The following MEGF11 variants were observed in gnomAD, a reference collection of about 807,000 sequenced individuals.
MEGF11 encodes multiple EGF like domains 11, also known as multiple epidermal growth factor-like domains protein 11.
MEGF11 carries 126 observed loss-of-function variants against 146.6 expected under a neutral mutation model. The ratio of observed to expected loss-of-function variants is 0.86; its 90% CI spans 0.74 to 1.00. The LOEUF is 1.00. Ranked by LOEUF, MEGF11 falls within the 50% of genes least tolerant of loss-of-function variation. The pLI, the probability that MEGF11 is intolerant of heterozygous loss-of-function variation, is 0.00. For missense variants in MEGF11, 1,509 were observed against 1,521.2 expected, an observed-to-expected ratio of 0.99 and a Z score of 0.13; for synonymous variants, 532 against 583.4, an observed-to-expected ratio of 0.91 and a Z score of 1.27.
At chr15:66,155,244 A>C (rs1429664535) in intron 1 of MEGF11, among the ~76,000 whole-genome samples, 1 of 143,176 alleles carries the variant, frequency 7.0e-6, no homozygotes, top group East Asian at 1.9e-4. Flanking sequence ...TGGGAGACAC[A>C]CATGGTGATG....
intron 1 of MEGF11, among the ~76,000 whole-genome samples, chr15:66,231,697 G>T (rs957189991): frequency 6.6e-6 from 1 of 152,158 alleles, no homozygotes; most frequent in Non-Finnish European, 1.5e-5. Flanking sequence ...AGCTTCACAG[G>T]CCCTTTGGGC....
At position 66,242,418 on chromosome 15, in the gene MEGF11, AG is replaced by A. The variant is rs200565013; in HGVS notation, c.-9+11186del. Among the ~76,000 whole-genome samples, 713 of 143,404 alleles carry A rather than the reference AG, an allele frequency of 5.0e-3. 11 individuals carry two copies. Among genetic ancestry groups the A allele is most frequent in the African/African-American group, 0.013 (506 of 38,704 alleles). The allele number at this position is 143,404 out of a possible 152,430, so 94.1% of individuals were successfully genotyped here. A position where few individuals can be genotyped will look rare whatever the true frequency, so the allele number is the denominator to read the frequency against. ...AGTGAGACTCTGTCTAAAAAAAAAA[AG>A]AAAGAAAGAAAGAAAGAAAAAGAAG... On this transcript the variant is annotated intron_variant, in intron 1 of 25. Transcript: ENST00000395614.
At chr15:65,920,740 G>T (rs1338475104) in intron 15 of MEGF11, among the ~76,000 whole-genome samples, 1 of 152,218 alleles carries the variant, frequency 6.6e-6, no homozygotes. Flanking sequence ...GTAACTTGCT[G>T]GAAAGCCAGT....
chr15:66,172,926 G>A (rs16949590), intron 1 of MEGF11, among the ~76,000 whole-genome samples: 3,280 of 152,176 alleles, frequency 0.022, 128 homozygotes, highest in African/African-American at 0.076. Context: ...TGACTTTTCC[G>A]CGTCCCTTTT....
In MEGF11 at chr15:66,014,013, G is replaced by T. The variant is rs116504730; in HGVS notation, c.395-31525C>A. 3.0e-3 allele frequency among the ~76,000 whole-genome samples: 454 copies of T among 152,296 alleles called. 2 individuals are homozygous for T. Among genetic ancestry groups the T allele is most frequent in the African/African-American group, 0.01 (433 of 41,548 alleles). On this transcript the variant is annotated intron_variant, in intron 5 of 25. Transcript: ENST00000395614. ...GAGGAGGGCCATGGTTGGGGTGGTG[G>T]TTCTGGGACTGTGATCTGATTACAA...
intron 5 of MEGF11, among the ~76,000 whole-genome samples, chr15:66,011,522 C>T (rs988763042): frequency 1.5e-4 from 23 of 152,142 alleles, no homozygotes; most frequent in African/African-American, 4.6e-4. Context: ...CATCTTCCCA[C>T]ACCCCAACTT....
chr15:65,952,829 C>T (rs746254064), intron 10 of MEGF11, among the ~76,000 whole-genome samples: 3 of 152,250 alleles, frequency 2.0e-5, no homozygotes, highest in Admixed American at 1.3e-4. Context: ...TCTTTGCCCC[C>T]ACTGGGCAGC....
chr15:66,162,028 T>G (rs2089967043), intron 1 of MEGF11, among the ~76,000 whole-genome samples: 1 of 152,218 alleles, frequency 6.6e-6, no homozygotes, highest in African/African-American at 2.4e-5. Flanking sequence ...TTTTCTATTT[T>G]TCTGAGATGA....
intron 10 of MEGF11, among the ~76,000 whole-genome samples, chr15:65,945,525 A>G (rs1050695253): frequency 6.6e-6 from 1 of 152,158 alleles, no homozygotes; most frequent in South Asian, 2.1e-4. Context: ...CCCAGAGACT[A>G]TGTAACCTTG....
intron 1 of MEGF11, among the ~76,000 whole-genome samples, chr15:66,186,026 GA>G (rs1209335657): frequency 2.0e-5 from 3 of 152,180 alleles, no homozygotes; most frequent in Admixed American, 1.3e-4. Context: ...CTACTGGGGA[GA>G]GGTGGGGGCA....
intron 24 of MEGF11, among the ~76,000 whole-genome samples, chr15:65,899,256 A>G (rs1291744404): frequency 6.6e-6 from 1 of 152,226 alleles, no homozygotes; most frequent in Admixed American, 6.5e-5. Flanking sequence ...TGATAGTTGC[A>G]TTTTATGAGA....
At chr15:66,246,007 T>C (rs921583254) in intron 1 of MEGF11, among the ~76,000 whole-genome samples, 1 of 152,128 alleles carries the variant, frequency 6.6e-6, no homozygotes. Context: ...ACTCCTGTAA[T>C]CCCAGCACTT....
At chr15:65,991,800 G>A (rs529762946) in intron 5 of MEGF11, among the ~76,000 whole-genome samples, 2 of 152,370 alleles carry the variant, frequency 1.3e-5, no homozygotes, top group Admixed American at 1.3e-4. Flanking sequence ...ACAAACTGGA[G>A]AGCTGCATTT....
intron 13 of MEGF11, among the ~76,000 whole-genome samples, chr15:65,923,639 G>C (rs1159193848): frequency 6.6e-6 from 1 of 152,192 alleles, no homozygotes; most frequent in Non-Finnish European, 1.5e-5. Context: ...TGTTTTCTCT[G>C]TACTATGATG....
At chr15:65,945,986 C>T (rs1325392221) in intron 10 of MEGF11, among the ~76,000 whole-genome samples, 2 of 152,166 alleles carry the variant, frequency 1.3e-5, no homozygotes, top group East Asian at 1.9e-4. Context: ...GTCTTAGTTT[C>T]CCTATCTGCA....
chr15:66,097,752 C>CAAAAAAAA (rs59635353), intron 4 of MEGF11, among the ~76,000 whole-genome samples: 1 of 138,970 alleles, frequency 7.2e-6, no homozygotes, highest in African/African-American at 2.8e-5. Context: ...CAAAAAACTA[C>CAAAAAAAA]AAAAAAAAAA....
intron 4 of MEGF11, among the ~76,000 whole-genome samples, chr15:66,116,041 C>T (rs546249635): frequency 1.3e-5 from 2 of 152,322 alleles, no homozygotes; most frequent in African/African-American, 4.8e-5. Flanking sequence ...ACCTGCACCT[C>T]CCGCTGCAGC....
chr15:66,122,903 C>G (rs1433149670), intron 3 of MEGF11, among the ~76,000 whole-genome samples: 1 of 152,158 alleles, frequency 6.6e-6, no homozygotes, highest in Admixed American at 6.5e-5. Context: ...CTTGCCTCAG[C>G]CTCCCTAGTA....
chr15:66,001,976 G>A (rs2082380937), intron 5 of MEGF11, among the ~76,000 whole-genome samples: 2 of 152,136 alleles, frequency 1.3e-5, no homozygotes, highest in Non-Finnish European at 2.9e-5. Flanking sequence ...AGGGGGATGG[G>A]GGACCTTTCA....
Sources: allele counts gnomAD v4.1 joint callset (sites outside exome capture counted in the v4.1 genomes callset), GRCh38; gene constraint gnomAD v4.1.1; transcripts MANE v1.5; gene names NCBI Gene and HGNC (gene_info 2026-07-23, HGNC 2026-07-21).